Variants in KLHDC4 observed in about 807,000 individuals in gnomAD.
KLHDC4 encodes the protein kelch domain-containing protein 4.
Under a neutral mutation model 62.4 loss-of-function variants are expected in KLHDC4, and 90 were observed. That is an observed-to-expected ratio of 1.44 (90% CI 1.22 to 1.72). The LOEUF (loss-of-function observed/expected upper bound fraction) is 1.72. KLHDC4 is among the 40% of genes most tolerant of loss of function. KLHDC4 has a pLI of 0.00. For missense variants in KLHDC4, 1,025 were observed against 699.7 expected, an observed-to-expected ratio of 1.47 and a Z score of -5.25; for synonymous variants, 386 against 284.4, an observed-to-expected ratio of 1.36 and a Z score of -3.59.
chr16:87,759,487 C>T (rs766397042), intron 2 of KLHDC4, among the ~76,000 whole-genome samples: 15 of 151,986 alleles, frequency 9.9e-5, no homozygotes, highest in Admixed American at 2.6e-4. Context: ...TGGCTCACGC[C>T]TGTAATCCCA....
At chr16:87,763,663 C>G (rs1451741333) in intron 1 of KLHDC4, 1 of 152,208 alleles carries the variant, frequency 6.6e-6, no homozygotes, top group Admixed American at 6.5e-5. Context: ...ATTCTTTCAA[C>G]TTGCTTTTTT....
intron 7 of KLHDC4, among the ~76,000 whole-genome samples, chr16:87,718,272 C>A (rs529019719): frequency 6.7e-6 from 1 of 149,068 alleles, no homozygotes; most frequent in Non-Finnish European, 1.5e-5. Flanking sequence ...CCACAAAAAC[C>A]GATTCGCTCT....
At chr16:87,717,536 T>A (rs963955733) in intron 7 of KLHDC4, among the ~76,000 whole-genome samples, 3 of 152,118 alleles carry the variant, frequency 2.0e-5, no homozygotes, top group African/African-American at 4.8e-5. Flanking sequence ...GAAAACTGAG[T>A]CTGGGTCTCT....
intron 2 of KLHDC4, among the ~76,000 whole-genome samples, chr16:87,756,693 G>C (rs1423354561): frequency 6.9e-6 from 1 of 145,862 alleles, no homozygotes; most frequent in Non-Finnish European, 1.5e-5. Context: ...CCATGGAGCT[G>C]GACTGACACA....
intron 2 of KLHDC4, among the ~76,000 whole-genome samples, chr16:87,760,400 G>T (rs887242787): frequency 6.6e-6 from 1 of 151,406 alleles, no homozygotes; most frequent in Non-Finnish European, 1.5e-5. Flanking sequence ...GAGGTCAGAA[G>T]ATCAAGACCA....
chr16:87,721,609 C>T (rs1360924807), intron 7 of KLHDC4, among the ~76,000 whole-genome samples: 3 of 152,084 alleles, frequency 2.0e-5, no homozygotes, highest in African/African-American at 4.8e-5. Flanking sequence ...GCTCTGGCTC[C>T]GAGGTCAGCC....
chr16:87,715,595 G>T (rs2036798566), intron 7 of KLHDC4, among the ~76,000 whole-genome samples: 1 of 152,152 alleles, frequency 6.6e-6, no homozygotes, highest in Non-Finnish European at 1.5e-5. Flanking sequence ...TGTGTGGATG[G>T]CTCAGGAGTT....
chr16:87,701,327 T>C (rs1001402428), exon 1 of KLHDC4: 4 of 253,736 alleles, frequency 1.6e-5, no homozygotes, highest in African/African-American at 8.8e-5. Context: ...AGCAGGGCGC[T>C]CAGGAACAGG....
chr16:87,741,573 T>A (rs1026988405), intron 5 of KLHDC4, among the ~76,000 whole-genome samples: 2 of 152,138 alleles, frequency 1.3e-5, no homozygotes, highest in Non-Finnish European at 2.9e-5. Context: ...CCACCAGCGG[T>A]GGAAAAACTG....
intron 5 of KLHDC4, among the ~76,000 whole-genome samples, chr16:87,737,951 C>T (rs1275697383): frequency 2.0e-5 from 3 of 152,168 alleles, no homozygotes; most frequent in East Asian, 1.9e-4. Context: ...AACTATCATC[C>T]GTCAGCAAAC....
chr16:87,763,127 G>A (rs1026407755), intron 1 of KLHDC4, among the ~76,000 whole-genome samples: 1 of 152,092 alleles, frequency 6.6e-6, no homozygotes, highest in Non-Finnish European at 1.5e-5. Context: ...CTTTATCCAA[G>A]ACATTCCTGT....
chr16:87,764,373 G>A (rs1429075365), intron 1 of KLHDC4, among the ~76,000 whole-genome samples: 1 of 152,120 alleles, frequency 6.6e-6, no homozygotes, highest in Non-Finnish European at 1.5e-5. Flanking sequence ...AACTGGCGGG[G>A]CAAGGTGGCT....
intron 7 of KLHDC4, among the ~76,000 whole-genome samples, chr16:87,725,151 G>C (rs541327227): frequency 1.3e-5 from 2 of 152,240 alleles, no homozygotes; most frequent in Admixed American, 6.5e-5. Flanking sequence ...GGGAAAATCA[G>C]AGCAGCGTCA....
intron 1 of KLHDC4, 48 bp from the exon 2 acceptor site, chr16:87,762,088 C>T (rs1218886556): frequency 1.2e-5 from 19 of 1,601,320 alleles, no homozygotes; most frequent in Admixed American, 1.7e-5. Context: ...CAGGACCCGC[C>T]GCGGAGCCAC....
exon 1 of KLHDC4, chr16:87,701,385 C>T (rs1206659600): frequency 9.2e-6 from 3 of 325,386 alleles, no homozygotes; most frequent in Non-Finnish European, 1.8e-5. Context: ...CAAGCTTCAG[C>T]CCACCCATTA....
chr16:87,743,900 G>A lies in KLHDC4; in HGVS notation c.506+4773C>T, dbSNP rs1411357849. 2.0e-5 allele frequency among the ~76,000 whole-genome samples: 3 copies of A among 152,272 alleles called. No homozygotes were observed. In the East Asian group the frequency reaches 5.8e-4, roughly 29 times the overall value. ...ACATACACAATGCTCCCGATGGGGA[G>A]GAATGAGGGGTATGATGCTGTCACT... On this transcript the variant is annotated intron_variant, in intron 5 of 11. Coordinates refer to ENST00000270583, the MANE Select transcript of KLHDC4 (RefSeq NM_017566.4).
intron 7 of KLHDC4, among the ~76,000 whole-genome samples, chr16:87,719,285 AGAGGTAGACATGG>A (rs1283675152): frequency 6.6e-6 from 1 of 152,236 alleles, no homozygotes; most frequent in Admixed American, 6.5e-5. Context: ...CTGTGTGCAA[AGAGGTAGACATGG>A]GAGACTCCAT....
chr16:87,710,778 C>A (rs1279259024), intron 9 of KLHDC4: 2 of 157,548 alleles, frequency 1.3e-5, no homozygotes, highest in African/African-American at 4.8e-5. Flanking sequence ...ACTCAGAGAC[C>A]CTGAGGCCAA....
chr16:87,701,995 C>A (rs748894541), exon 14 of KLHDC4: 5 of 456,212 alleles, frequency 1.1e-5, no homozygotes, highest in Admixed American at 2.3e-5. Flanking sequence ...CAACAAAGCT[C>A]AGCCCAGCAG....
Sources: allele counts gnomAD v4.1 joint callset (sites outside exome capture counted in the v4.1 genomes callset), GRCh38; gene constraint gnomAD v4.1.1; transcripts MANE v1.5; gene names NCBI Gene and HGNC (gene_info 2026-07-23, HGNC 2026-07-21).